The following PUM1 variants were observed in gnomAD, a reference collection of about 807,000 sequenced individuals.
The protein encoded by PUM1 is pumilio RNA binding family member 1.
A neutral mutation model predicts 131.8 loss-of-function variants in PUM1; 13 were observed. That is an observed-to-expected ratio of 0.10 (90% confidence interval 0.06 to 0.16). The LOEUF is 0.16. PUM1 is among the 10% of genes least tolerant of loss of function. PUM1 has a pLI of 1.00. For missense variants in PUM1, 961 were observed against 1,512.4 expected (o/e 0.64, Z 6.05); for synonymous variants, 509 against 556.5 (o/e 0.91, Z 1.20).
chr1:31,038,984 A>ATATATATATATATATATATATTT, intron 2 of PUM1, among the ~76,000 whole-genome samples: 6 of 49,412 alleles, frequency 1.2e-4, no homozygotes, highest in Admixed American at 2.2e-4. Context: ...ATATATATAT[A>ATATATATATATATATATATATTT]TTTTTTTTTT....
At chr1:31,039,486 G>A (rs941869046) in intron 2 of PUM1, among the ~76,000 whole-genome samples, 1 of 152,104 alleles carries the variant, frequency 6.6e-6, no homozygotes, top group Non-Finnish European at 1.5e-5. Context: ...GCCTTCCAAA[G>A]TGCTGGGATA....
chr1:30,948,464 C>T (rs937844510), intron 17 of PUM1, among the ~76,000 whole-genome samples: 2 of 151,980 alleles, frequency 1.3e-5, no homozygotes, highest in Non-Finnish European at 2.9e-5. Flanking sequence ...AAATATAACA[C>T]AGGAAACAAC....
chr1:30,971,371 A>G (rs891510621), intron 10 of PUM1, among the ~76,000 whole-genome samples: 13 of 152,244 alleles, frequency 8.5e-5, no homozygotes, highest in African/African-American at 3.1e-4. Flanking sequence ...AACTAAAACA[A>G]TGGCTGCTAA....
chr1:30,938,936 CAGACAGACAGAT>C (rs1270034881), intron 20 of PUM1, among the ~76,000 whole-genome samples: 71 of 102,248 alleles, frequency 6.9e-4, no homozygotes, highest in Middle Eastern at 9.4e-3. Flanking sequence ...GACAGACAGA[CAGACAGACAGAT>C]AGACAGATAG....
Position 30,980,128 on chromosome 1 carries a change from T to C in PUM1, c.1288A>G (p.Ile430Val), listed in dbSNP as rs1641301359. The change falls in exon 9 of 22, where the codon ATC becomes GTC. Residue 430 changes from isoleucine (I) to valine (V), a missense_variant. This residue lies in a region of PUM1 where 654 missense variants were observed against 923.9 expected (regional missense o/e 0.71). Transcript: ENST00000426105. ...APAAFVPNPY[I>V]ISAAPPGTDP... The stretch of plus-strand genomic sequence containing the variant: ...GTCCCTGGGGGAGCAGCGCTGATGA[T>C]GTATGGATTGGGGACAAACGCAGCG... 1.2e-6 allele frequency: 2 copies of C among 1,614,060 alleles called. No individual in the cohort carries two copies. Among genetic ancestry groups the C allele is most frequent in the Non-Finnish European group, 1.7e-6 (2 of 1,179,990 alleles).
chr1:30,989,309 T>C (rs1641684784), intron 7 of PUM1, among the ~76,000 whole-genome samples: 1 of 152,076 alleles, frequency 6.6e-6, no homozygotes, highest in Non-Finnish European at 1.5e-5. Context: ...CAGTGGCTCA[T>C]GCCTGTAATC....
intron 2 of PUM1, among the ~76,000 whole-genome samples, chr1:31,054,141 G>C (rs1644179920): frequency 7.1e-6 from 1 of 140,786 alleles, no homozygotes; most frequent in African/African-American, 2.6e-5. Flanking sequence ...ACCAGCCTGA[G>C]CATGGCAAAA....
Position 30,967,621 on chromosome 1 carries a change from A to T in PUM1, c.1646-311T>A, listed in dbSNP as rs117319702. Among the ~76,000 whole-genome samples the T allele has an allele frequency of 5.1e-3, 777 of 152,364 alleles. 4 individuals carry two copies. The highest frequency in any genetic ancestry group is 0.032 in the East Asian group (166 of 5,196). Reference sequence around the variant, plus strand: ...GAATCTCCAAATCCCAGTTTAAGCCATATGAAAAACTGCAGGTGACTTCCT... The same window carrying T: ...GAATCTCCAAATCCCAGTTTAAGCCTTATGAAAAACTGCAGGTGACTTCCT... On this transcript the variant is annotated intron_variant, in intron 11 of 21. Transcript: ENST00000426105.
At chr1:30,937,176 C>G (rs963981299) in intron 20 of PUM1, among the ~76,000 whole-genome samples, 18 of 152,148 alleles carry the variant, frequency 1.2e-4, no homozygotes, top group African/African-American at 4.3e-4. Flanking sequence ...ACCCGGCCCT[C>G]TAACGGGTAA....
rs754931841 is a variant in PUM1 at position 31,059,257 on chromosome 1, T to C, written c.310A>G (p.Asn104Asp). 1.9e-6 allele frequency: 3 copies of C among 1,612,682 alleles called. No individual in the cohort carries two copies. Among genetic ancestry groups the C allele is most frequent in the Non-Finnish European group, 2.5e-6 (3 of 1,179,432 alleles). The change falls in exon 2 of 22, where the codon AAT (asparagine) becomes GAT (aspartate). Residue 104 changes from asparagine (N) to aspartate (D), a missense_variant. Transcript: ENST00000426105. ...GGGGSGGGGY[N>D]NSKHRWPTGD... ...GTAGGCCATCGATGTTTGCTATTATTATAGCCGCCTCCTCCACTTCCTCCT... is the reference window on the plus strand; with the variant it reads ...GTAGGCCATCGATGTTTGCTATTATCATAGCCGCCTCCTCCACTTCCTCCT...
intron 17 of PUM1, among the ~76,000 whole-genome samples, chr1:30,948,678 G>A (rs1342745884): frequency 6.6e-6 from 1 of 152,120 alleles, no homozygotes. Flanking sequence ...TTGAGCTCAG[G>A]AGGTTGAGGC....
intron 8 of PUM1, among the ~76,000 whole-genome samples, chr1:30,980,448 G>T (rs755953584): frequency 3.3e-5 from 5 of 152,132 alleles, no homozygotes; most frequent in Non-Finnish European, 7.4e-5. Flanking sequence ...TATTAAAATT[G>T]TAACAGCCTA....
chr1:31,036,868 A>G (rs1643629411), intron 2 of PUM1: 1 of 153,676 alleles, frequency 6.5e-6, no homozygotes, highest in Non-Finnish European at 1.5e-5. Context: ...TCTGATAGCT[A>G]TAATGAAGAA....
intron 3 of PUM1, among the ~76,000 whole-genome samples, chr1:31,013,892 A>G (rs563559284): frequency 6.6e-6 from 1 of 152,254 alleles, no homozygotes; most frequent in Non-Finnish European, 1.5e-5. Flanking sequence ...ATATTAAGTT[A>G]TACTAAAGCT....
chr1:30,960,127 C>G (rs1271737460), intron 14 of PUM1, among the ~76,000 whole-genome samples: 1 of 152,132 alleles, frequency 6.6e-6, no homozygotes, highest in African/African-American at 2.4e-5. Flanking sequence ...CTTATTTCTT[C>G]CATTTAACAC....
chr1:31,060,389 A>G (rs1333264264), intron 1 of PUM1, among the ~76,000 whole-genome samples: 2 of 151,902 alleles, frequency 1.3e-5, no homozygotes, highest in African/African-American at 2.4e-5. Flanking sequence ...TGAATCCAGA[A>G]GGCAAAGGTT....
chr1:31,032,765 C>T (rs989502237), intron 2 of PUM1, among the ~76,000 whole-genome samples: 11 of 152,124 alleles, frequency 7.2e-5, no homozygotes, highest in African/African-American at 2.7e-4. Context: ...CAAGGTAACA[C>T]CACTACACTC....
At chr1:31,006,381 T>C (rs1057198894) in intron 4 of PUM1, among the ~76,000 whole-genome samples, 3 of 152,172 alleles carry the variant, frequency 2.0e-5, no homozygotes, top group African/African-American at 7.2e-5. Flanking sequence ...TTAAAAACAA[T>C]ATAATTTGTT....
intron 5 of PUM1, among the ~76,000 whole-genome samples, chr1:31,005,005 G>T (rs1642348004): frequency 6.6e-6 from 1 of 152,208 alleles, no homozygotes; most frequent in South Asian, 2.1e-4. Flanking sequence ...ACAGGAGAAA[G>T]GGAGGGAAGA....
Sources: allele counts gnomAD v4.1 joint callset (sites outside exome capture counted in the v4.1 genomes callset), GRCh38; gene constraint gnomAD v4.1.1; regional missense constraint gnomAD v4.1.1; transcripts MANE v1.5; gene names NCBI Gene and HGNC (gene_info 2026-07-23, HGNC 2026-07-21).